OTUD7A: variants seen among roughly 807,000 people sequenced by gnomAD.
OTUD7A encodes OTU deubiquitinase 7A, also known as OTU domain-containing protein 7A.
In OTUD7A, 12 loss-of-function variants were observed where a neutral mutation model predicts 65.7. The observed-to-expected ratio is 0.18, with a 90% CI of 0.12 to 0.30. The LOEUF (loss-of-function observed/expected upper bound fraction) is 0.30, where lower values mean the gene tolerates loss of function less well. Ranked by LOEUF, OTUD7A falls within the 10% of genes least tolerant of loss-of-function variation. OTUD7A has a pLI of 1.00. For missense variants in OTUD7A, 1,148 were observed against 1,304.8 expected (o/e 0.88, Z 1.85); for synonymous variants, 641 against 586.3 (o/e 1.09, Z -1.35).
At chr15:31,604,283 T>C (rs1890170128) in intron 3 of OTUD7A, among the ~76,000 whole-genome samples, 1 of 152,242 alleles carries the variant, frequency 6.6e-6, no homozygotes, top group Non-Finnish European at 1.5e-5. Context: ...GATGAGTTCA[T>C]GTCCTTTGCA....
At chr15:31,623,994 T>C (rs1890879765) in intron 3 of OTUD7A, among the ~76,000 whole-genome samples, 1 of 152,272 alleles carries the variant, frequency 6.6e-6, no homozygotes, top group South Asian at 2.1e-4. Flanking sequence ...TTGTAATTTC[T>C]AGAGGTATGC....
intron 1 of OTUD7A, among the ~76,000 whole-genome samples, chr15:31,664,016 T>C (rs1253378032): frequency 6.6e-6 from 1 of 152,260 alleles, no homozygotes; most frequent in Admixed American, 6.5e-5. Flanking sequence ...TTTCTTTTTA[T>C]GGCCAACTAG....
intron 5 of OTUD7A, among the ~76,000 whole-genome samples, chr15:31,539,546 A>G (rs1887924308): frequency 6.6e-6 from 1 of 152,220 alleles, no homozygotes; most frequent in African/African-American, 2.4e-5. Flanking sequence ...AGCCATAACA[A>G]CCAAATGTAA....
chr15:31,688,160 G>A (rs1397688380), intron 1 of OTUD7A, among the ~76,000 whole-genome samples: 2 of 150,760 alleles, frequency 1.3e-5, no homozygotes, highest in Non-Finnish European at 2.9e-5. Flanking sequence ...AGGTTGCAGT[G>A]AGCCGAGATC....
intron 1 of OTUD7A, among the ~76,000 whole-genome samples, chr15:31,723,911 G>T (rs1014366141): frequency 1.0e-5 from 1 of 98,160 alleles, no homozygotes; most frequent in Non-Finnish European, 2.0e-5. Context: ...GGTGAGTGCC[G>T]TCTCCCCACA....
chr15:31,560,336 T>C (rs1210105650), intron 4 of OTUD7A, among the ~76,000 whole-genome samples: 2 of 152,230 alleles, frequency 1.3e-5, no homozygotes, highest in Non-Finnish European at 2.9e-5. Context: ...CTCTCAAAAA[T>C]AATGCTCTCC....
intron 1 of OTUD7A, among the ~76,000 whole-genome samples, chr15:31,715,389 CA>C (rs1176707792): frequency 1.9e-4 from 29 of 150,628 alleles, no homozygotes; most frequent in African/African-American, 7.0e-4. Flanking sequence ...GGACTGACTT[CA>C]CCTGGAAGAG....
At chr15:31,648,975 G>T (rs927680991) in intron 3 of OTUD7A, among the ~76,000 whole-genome samples, 62 of 152,222 alleles carry the variant, frequency 4.1e-4, no homozygotes, top group Admixed American at 9.2e-4. Context: ...TAGCCAGGCT[G>T]GTCTCGAACT....
At chr15:31,754,912 G>A (rs1258635871) in intron 1 of OTUD7A, among the ~76,000 whole-genome samples, 1 of 152,128 alleles carries the variant, frequency 6.6e-6, no homozygotes, top group Non-Finnish European at 1.5e-5. Flanking sequence ...CTGGAGTAGG[G>A]GTATGAAGGA....
At chr15:31,584,651 T>C (rs1889473882) in intron 3 of OTUD7A, among the ~76,000 whole-genome samples, 1 of 152,204 alleles carries the variant, frequency 6.6e-6, no homozygotes, top group East Asian at 1.9e-4. Flanking sequence ...TTGTTGCCAG[T>C]AGAAATCTGA....
intron 10 of OTUD7A, 127 bp downstream of exon 10, chr15:31,501,563 G>C (rs1435665100): frequency 8.4e-6 from 10 of 1,189,578 alleles, no homozygotes; most frequent in African/African-American, 1.5e-5. Flanking sequence ...TGTCACTGCT[G>C]AGTGTGCACA....
intron 5 of OTUD7A, among the ~76,000 whole-genome samples, chr15:31,554,933 G>C (rs1566917384): frequency 1.3e-5 from 2 of 152,214 alleles, no homozygotes; most frequent in Non-Finnish European, 2.9e-5. Flanking sequence ...CTGTTGCCCT[G>C]AGACTGTCAT....
At chr15:31,502,545 A>T (rs1435723293) in intron 9 of OTUD7A, among the ~76,000 whole-genome samples, 1 of 152,168 alleles carries the variant, frequency 6.6e-6, no homozygotes, top group African/African-American at 2.4e-5. Flanking sequence ...GATGTCTTTG[A>T]TGAACTCTTA....
intron 3 of OTUD7A, among the ~76,000 whole-genome samples, chr15:31,633,476 C>G (rs1201309321): frequency 6.6e-6 from 1 of 152,116 alleles, no homozygotes; most frequent in African/African-American, 2.4e-5. Context: ...CTTTCTCATA[C>G]CAGAAGCAGG....
chr15:31,616,605 C>T (rs8038223), intron 3 of OTUD7A, among the ~76,000 whole-genome samples: 43,597 of 151,918 alleles, frequency 0.29, 7,383 homozygotes, highest in African/African-American at 0.47. Context: ...AGTGCAGTGG[C>T]GCAATCTTGG....
intron 3 of OTUD7A, among the ~76,000 whole-genome samples, chr15:31,633,786 A>G (rs1566953374): frequency 5.9e-5 from 9 of 151,914 alleles, no homozygotes. Flanking sequence ...GGACCCCATA[A>G]AGGCTTCAGC....
At chr15:31,524,142 T>G (rs911013069) in intron 8 of OTUD7A, among the ~76,000 whole-genome samples, 12 of 151,206 alleles carry the variant, frequency 7.9e-5, no homozygotes, top group East Asian at 1.9e-4. Flanking sequence ...AGTTTTTTGT[T>G]TTTTTTTTTC....
intron 3 of OTUD7A, among the ~76,000 whole-genome samples, chr15:31,617,171 T>G (rs1311690779): frequency 1.3e-5 from 2 of 152,112 alleles, no homozygotes; most frequent in Non-Finnish European, 2.9e-5. Flanking sequence ...AGCCAAAAAA[T>G]GGTTCTTTGG....
chr15:31,533,637 T>C (rs1266209741), intron 5 of OTUD7A, among the ~76,000 whole-genome samples: 1 of 152,162 alleles, frequency 6.6e-6, no homozygotes, highest in African/African-American at 2.4e-5. Context: ...ATTTTGTTCC[T>C]AGCAAGCCTA....
Sources: gnomAD v4.1 joint callset for allele counts (sites outside exome capture counted in the v4.1 genomes callset) on GRCh38, gnomAD v4.1.1 for gene constraint, MANE v1.5 for transcripts, NCBI Gene and HGNC (gene_info 2026-07-23, HGNC 2026-07-21) for gene names.